VPS13B: variants seen among roughly 807,000 people sequenced by gnomAD.
VPS13B encodes the protein vacuolar protein sorting 13 homolog B, also known as intermembrane lipid transfer protein VPS13B.
VPS13B carries 285 observed loss-of-function variants against 426.4 expected under a neutral mutation model. The observed-to-expected ratio is 0.67, with a 90% CI of 0.61 to 0.74. The LOEUF (loss-of-function observed/expected upper bound fraction) is 0.74, where lower values mean the gene tolerates loss of function less well. Among genes scored for constraint, VPS13B ranks in the 30% least tolerant of loss-of-function variants. The pLI is 0.00. For synonymous variants in VPS13B, 1,676 were observed against 1,676.4 expected (o/e 1.00, Z 0.01); for missense variants, 4,537 against 4,782.6 (o/e 0.95, Z 1.51).
chr8:99,653,560 C>T (rs1045682912), intron 34 of VPS13B, among the ~76,000 whole-genome samples: 3 of 149,890 alleles, frequency 2.0e-5, no homozygotes, highest in Non-Finnish European at 3.0e-5. Flanking sequence ...TATGAAACAA[C>T]CAAATTTTAA....
At position 99,682,100 on chromosome 8, in the gene VPS13B, A is replaced by T. The variant is rs181330347; in HGVS notation, c.6047-17425A>T. 2.6e-5 allele frequency among the ~76,000 whole-genome samples: 4 copies of T among 152,372 alleles called. No homozygotes were observed. In the East Asian group the frequency reaches 7.7e-4, roughly 29 times the overall value. ...TATGCTGCTGAAGTTATTAAAGTTT[A>T]AAATCACACTGAGACTTTTGGGACA... On this transcript the variant is annotated intron_variant, in intron 35 of 61. Transcript: ENST00000357162.
chr8:99,233,278 A>T (rs2132862676), intron 17 of VPS13B: 1 of 1,159,386 alleles, frequency 8.6e-7, no homozygotes, highest in East Asian at 2.3e-5. Context: ...TTTGCCAATC[A>T]CCCGGCCAGC....
At chr8:99,231,584 G>A (rs1816325339) in intron 17 of VPS13B, among the ~76,000 whole-genome samples, 1 of 152,110 alleles carries the variant, frequency 6.6e-6, no homozygotes, top group Non-Finnish European at 1.5e-5. Flanking sequence ...CAGAACAGTT[G>A]TTGCACAATT....
At chr8:99,667,067 A>G (rs1830517917) in intron 35 of VPS13B, among the ~76,000 whole-genome samples, 1 of 152,202 alleles carries the variant, frequency 6.6e-6, no homozygotes, top group African/African-American at 2.4e-5. Context: ...TTTTAAGTAA[A>G]TGAATTGAAA....
intron 2 of VPS13B, among the ~76,000 whole-genome samples, chr8:99,034,414 G>GTT (rs35822371): frequency 1.8e-3 from 267 of 144,468 alleles, no homozygotes; most frequent in Middle Eastern, 7.0e-3. Context: ...TTATAAGTCT[G>GTT]TTTTTTTTTT....
At chr8:99,044,892 A>G (rs955871814) in intron 3 of VPS13B, among the ~76,000 whole-genome samples, 76 of 105,804 alleles carry the variant, frequency 7.2e-4, no homozygotes, top group African/African-American at 2.3e-3. Flanking sequence ...ACACACACAC[A>G]CACACACCAC....
chr8:99,316,992 A>T (rs1466509889), intron 19 of VPS13B, among the ~76,000 whole-genome samples: 2 of 152,230 alleles, frequency 1.3e-5, no homozygotes, highest in Non-Finnish European at 2.9e-5. Context: ...AAATGTTCTT[A>T]CTAAAAGGGA....
At chr8:99,051,836 G>C (rs1843572517) in intron 3 of VPS13B, among the ~76,000 whole-genome samples, 1 of 152,150 alleles carries the variant, frequency 6.6e-6, no homozygotes, top group African/African-American at 2.4e-5. Flanking sequence ...CTGTTTGTCT[G>C]TTACTGGTGT....
intron 19 of VPS13B, among the ~76,000 whole-genome samples, chr8:99,338,653 G>C (rs1477809361): frequency 2.6e-5 from 4 of 152,036 alleles, no homozygotes; most frequent in African/African-American, 9.7e-5. Flanking sequence ...AACAATGTCA[G>C]ATTATTTTGT....
At chr8:99,628,003 C>G (rs1318310696) in intron 33 of VPS13B, among the ~76,000 whole-genome samples, 3 of 152,194 alleles carry the variant, frequency 2.0e-5, no homozygotes, top group Non-Finnish European at 4.4e-5. Flanking sequence ...TTGAAAATCT[C>G]TGGAAACAAT....
At chr8:99,082,956 G>T (rs1315374646) in intron 3 of VPS13B, among the ~76,000 whole-genome samples, 4 of 152,032 alleles carry the variant, frequency 2.6e-5, no homozygotes, top group Non-Finnish European at 5.9e-5. Flanking sequence ...CTCTTTTTTG[G>T]TTCCATATGA....
intron 19 of VPS13B, among the ~76,000 whole-genome samples, chr8:99,292,312 C>T (rs1316991631): frequency 1.3e-5 from 2 of 152,102 alleles, no homozygotes; most frequent in African/African-American, 4.8e-5. Context: ...AGCAGTCATG[C>T]CCTACTTGAA....
At chr8:99,117,795 T>A (rs774860394) in intron 7 of VPS13B, among the ~76,000 whole-genome samples, 63 of 152,114 alleles carry the variant, frequency 4.1e-4, no homozygotes, top group Non-Finnish European at 5.4e-4. Flanking sequence ...GAGGAGAGAA[T>A]GACTGCAAAT....
At chr8:99,809,310 T>C (rs1813577238) in intron 43 of VPS13B, 65 bp from the exon 44 acceptor site, 1 of 1,605,146 alleles carries the variant, frequency 6.2e-7, no homozygotes, top group African/African-American at 1.3e-5. Flanking sequence ...AATGAGACTT[T>C]CATTTTAGGA....
In VPS13B at chr8:99,875,629, T is replaced by C. The variant is rs771731368; in HGVS notation, c.11957T>C (p.Met3986Thr). ...FAQVFLSKFT[M>T]VKNKALRKGF... is the part of the protein sequence containing the mutation. ...CAGGTCTTCCTTAGTAAATTTACCA[T>C]GGTGAAAAATAAAGCCCTGAGGAAA... is the stretch of plus-strand genomic sequence containing the variant. The change falls in exon 62 of 62, where the codon ATG becomes ACG. Residue 3986 changes from methionine to threonine, a missense_variant. This residue lies in a region of VPS13B where 4,311 missense variants were observed against 4,474.3 expected (regional missense o/e 0.96). Coordinates refer to ENST00000357162, the MANE Select transcript of VPS13B (RefSeq NM_152564.5). 6.2e-7 allele frequency: 1 copy of C among 1,614,204 alleles called. No homozygotes were observed. Among genetic ancestry groups the C allele is most frequent in the African/African-American group, 1.3e-5 (1 of 75,054 alleles).
chr8:99,208,846 T>A (rs1814895668), intron 17 of VPS13B, among the ~76,000 whole-genome samples: 1 of 152,218 alleles, frequency 6.6e-6, no homozygotes, highest in African/African-American at 2.4e-5. Context: ...TCTTGTACAT[T>A]CTTTGAAGTA....
intron 17 of VPS13B, among the ~76,000 whole-genome samples, chr8:99,197,945 G>A (rs772379382): frequency 1.3e-5 from 2 of 152,020 alleles, no homozygotes; most frequent in African/African-American, 2.4e-5. Flanking sequence ...ACAACCTTGC[G>A]TTAGGTAATC....
Position 99,023,631 on chromosome 8 carries a change from C to T in VPS13B, c.147+9696C>T, listed in dbSNP as rs183950378. 1.3e-3 allele frequency among the ~76,000 whole-genome samples: 194 copies of T among 152,160 alleles called. 1 individual carries two copies. Among genetic ancestry groups the T allele is most frequent in the Admixed American group, 6.8e-3 (104 of 15,276 alleles). ...AAGTAGCTGGGACTACAGGTGCACGCCACCACACCTGGCTAATTTTTGTAT... is the reference window on the plus strand; with the variant it reads ...AAGTAGCTGGGACTACAGGTGCACGTCACCACACCTGGCTAATTTTTGTAT... On this transcript the variant is annotated intron_variant, in intron 2 of 61. Coordinates refer to ENST00000357162, the MANE Select transcript of VPS13B (RefSeq NM_152564.5).
chr8:99,107,230 A>G (rs1847095806), intron 5 of VPS13B, among the ~76,000 whole-genome samples: 2 of 152,232 alleles, frequency 1.3e-5, no homozygotes, highest in East Asian at 3.8e-4. Flanking sequence ...CACAGATGGA[A>G]GTGTATATTC....
Sources: allele counts gnomAD v4.1 joint callset (sites outside exome capture counted in the v4.1 genomes callset), GRCh38; gene constraint gnomAD v4.1.1; regional missense constraint gnomAD v4.1.1; transcripts MANE v1.5; gene names NCBI Gene and HGNC (gene_info 2026-07-23, HGNC 2026-07-21).